The following KIAA1958 variants were observed in gnomAD, a reference collection of about 807,000 sequenced individuals.
The protein encoded by KIAA1958 is uncharacterized protein KIAA1958.
Under a neutral mutation model 47.2 loss-of-function variants are expected in KIAA1958, and 14 were observed. The ratio of observed to expected loss-of-function variants is 0.30; its 90% confidence interval spans 0.20 to 0.46. KIAA1958 has a LOEUF of 0.46. Among genes scored for constraint, KIAA1958 ranks in the 20% least tolerant of loss-of-function variants. The probability of loss-of-function intolerance (pLI) is 1.00; values close to 1 mark genes in which losing one functional copy is unlikely to be tolerated. For synonymous variants in KIAA1958, 354 were observed against 353.3 expected (o/e 1.00, Z -0.02); for missense variants, 803 against 909.2 (o/e 0.88, Z 1.50).
intron 2 of KIAA1958, among the ~76,000 whole-genome samples, chr9:112,607,652 G>C (rs1339947452): frequency 7.5e-6 from 1 of 133,240 alleles, no homozygotes; most frequent in Non-Finnish European, 1.5e-5. Flanking sequence ...CTCTGTACCA[G>C]AAAAAAAGAC....
At chr9:112,488,214 T>G (rs1014711552) in intron 1 of KIAA1958, among the ~76,000 whole-genome samples, 5 of 152,208 alleles carry the variant, frequency 3.3e-5, no homozygotes, top group African/African-American at 4.8e-5. Context: ...AATGTCAGAA[T>G]TGAGTTTCCC....
intron 1 of KIAA1958, among the ~76,000 whole-genome samples, chr9:112,536,427 A>G (rs1395956729): frequency 2.6e-5 from 4 of 152,198 alleles, no homozygotes; most frequent in Non-Finnish European, 5.9e-5. Flanking sequence ...TTTGCAGGCT[A>G]CGTGGCTTGC....
intron 2 of KIAA1958, among the ~76,000 whole-genome samples, chr9:112,628,512 A>G (rs747933711): frequency 1.3e-5 from 2 of 152,232 alleles, no homozygotes; most frequent in Non-Finnish European, 2.9e-5. Flanking sequence ...ACCTCTGTCC[A>G]TTGGCCTCCA....
chr9:112,586,811 C>T (rs1431369057), intron 2 of KIAA1958, among the ~76,000 whole-genome samples: 3 of 152,160 alleles, frequency 2.0e-5, no homozygotes, highest in Admixed American at 2.0e-4. Flanking sequence ...GAGGTGTTGA[C>T]CTTTCTAGCT....
At chr9:112,653,766 G>T (rs934997005) in intron 3 of KIAA1958, among the ~76,000 whole-genome samples, 1 of 152,166 alleles carries the variant, frequency 6.6e-6, no homozygotes, top group African/African-American at 2.4e-5. Context: ...TGGGCATGGT[G>T]GTATGCATCT....
chr9:112,615,622 A>G (rs1198126221), intron 2 of KIAA1958, among the ~76,000 whole-genome samples: 1 of 152,192 alleles, frequency 6.6e-6, no homozygotes, highest in Non-Finnish European at 1.5e-5. Context: ...CAGCCTCACT[A>G]ACATATAACC....
intron 1 of KIAA1958, among the ~76,000 whole-genome samples, chr9:112,507,921 A>G (rs1834258268): frequency 6.6e-6 from 1 of 151,960 alleles, no homozygotes; most frequent in Admixed American, 6.6e-5. Context: ...GTGAGATTCT[A>G]TCTTTTAGCC....
intron 2 of KIAA1958, among the ~76,000 whole-genome samples, chr9:112,579,389 T>C (rs906790050): frequency 5.9e-5 from 9 of 152,118 alleles, no homozygotes; most frequent in African/African-American, 9.7e-5. Context: ...TTCTCTCTCC[T>C]CTCCTCTCCC....
chr9:112,581,552 CCCAGGG>C (rs1425018687), intron 2 of KIAA1958, among the ~76,000 whole-genome samples: 1 of 152,096 alleles, frequency 6.6e-6, no homozygotes, highest in Non-Finnish European at 1.5e-5. Flanking sequence ...GCCCTCAGTG[CCCAGGG>C]CCAGATCTGG....
intron 1 of KIAA1958, among the ~76,000 whole-genome samples, chr9:112,554,079 T>C (rs957371720): frequency 6.6e-6 from 1 of 152,182 alleles, no homozygotes; most frequent in African/African-American, 2.4e-5. Context: ...TTAAAGGCAG[T>C]TTGACCAAAA....
chr9:112,502,818 C>A (rs1464112184), intron 1 of KIAA1958, among the ~76,000 whole-genome samples: 2 of 152,198 alleles, frequency 1.3e-5, no homozygotes, highest in Admixed American at 1.3e-4. Context: ...GAAAAGTTTG[C>A]TGACCCCTGC....
At chr9:112,627,605 T>C (rs1370309806) in intron 2 of KIAA1958, among the ~76,000 whole-genome samples, 1 of 151,962 alleles carries the variant, frequency 6.6e-6, no homozygotes, top group Non-Finnish European at 1.5e-5. Context: ...AATACAAAAA[T>C]TAGCTGGGTG....
Position 112,575,002 on chromosome 9 carries a change from A to G in KIAA1958, c.922A>G (p.Met308Val), listed in dbSNP as rs764169780. Reference protein sequence around the residue: ...GTHGTNQQVAMQMPVSTSHPN... With the variant: ...GTHGTNQQVAVQMPVSTSHPN... The stretch of plus-strand genomic sequence containing the variant: ...ACATGGCACCAACCAACAGGTGGCC[A>G]TGCAAATGCCTGTGAGCACATCCCA... The change falls in exon 2 of 4, where the codon ATG becomes GTG. Residue 308 changes from methionine (M) to valine (V), a missense_variant. Physicochemically the swap from Met to Val is conservative, Grantham distance 21. Coordinates refer to ENST00000337530, the MANE Select transcript of KIAA1958 (RefSeq NM_133465.4). 6.8e-6 allele frequency: 11 copies of G among 1,614,104 alleles called. No individual in the cohort carries two copies. The East Asian group carries it at 2.2e-4, about 33-fold the overall frequency.
chr9:112,605,576 C>T (rs1836217686), intron 2 of KIAA1958, among the ~76,000 whole-genome samples: 1 of 152,100 alleles, frequency 6.6e-6, no homozygotes. Flanking sequence ...CAAATCTGAC[C>T]ATGTACTTTT....
chr9:112,510,103 C>G (rs1834298721), intron 1 of KIAA1958, among the ~76,000 whole-genome samples: 1 of 151,950 alleles, frequency 6.6e-6, no homozygotes, highest in African/African-American at 2.4e-5. Flanking sequence ...GAGTTGGAGA[C>G]CTTGTAAGAT....
intron 1 of KIAA1958, among the ~76,000 whole-genome samples, chr9:112,509,713 T>C (rs1251596276): frequency 3.3e-5 from 5 of 152,146 alleles, no homozygotes; most frequent in African/African-American, 1.2e-4. Context: ...AGATGAAAGT[T>C]TGAAGTGGAA....
chr9:112,487,295 G>A (rs1328881535), intron 1 of KIAA1958, 177 bp downstream of exon 1: 1 of 152,546 alleles, frequency 6.6e-6, no homozygotes, highest in African/African-American at 2.4e-5. Flanking sequence ...CGAGGCCGGA[G>A]CGAGGGCAGG....
chr9:112,503,825 C>T (rs917321946), intron 1 of KIAA1958, among the ~76,000 whole-genome samples: 2 of 151,924 alleles, frequency 1.3e-5, no homozygotes, highest in African/African-American at 4.8e-5. Flanking sequence ...CATTTTCCCT[C>T]CTTCCCTGAT....
chr9:112,495,116 T>C (rs1178193401), intron 1 of KIAA1958, among the ~76,000 whole-genome samples: 1 of 152,088 alleles, frequency 6.6e-6, no homozygotes, highest in Non-Finnish European at 1.5e-5. Context: ...GGTTTCACTT[T>C]GTTGCCCAGG....
Sources: allele counts gnomAD v4.1 joint callset (sites outside exome capture counted in the v4.1 genomes callset), GRCh38; gene constraint gnomAD v4.1.1; transcripts MANE v1.5; gene names NCBI Gene and HGNC (gene_info 2026-07-23, HGNC 2026-07-21).